ARPP21: variants seen among roughly 807,000 people sequenced by gnomAD.
ARPP21 encodes the protein cAMP regulated phosphoprotein 21, also known as cAMP-regulated phosphoprotein 21.
ARPP21 carries 69 observed loss-of-function variants against 113.2 expected under a neutral mutation model. The observed-to-expected ratio is 0.61, with a 90% confidence interval of 0.50 to 0.74. The LOEUF is 0.74. Ranked by LOEUF, ARPP21 falls within the 30% of genes least tolerant of loss-of-function variation. The probability of loss-of-function intolerance (pLI) is 0.00; values close to 1 mark genes in which losing one functional copy is unlikely to be tolerated. For synonymous variants in ARPP21, 368 were observed against 375.5 expected (o/e 0.98, Z 0.23); for missense variants, 1,070 against 1,037.4 (o/e 1.03, Z -0.43).
chr3:35,722,696 G>A (rs1246548103), intron 14 of ARPP21, among the ~76,000 whole-genome samples: 1 of 152,154 alleles, frequency 6.6e-6, no homozygotes, highest in African/African-American at 2.4e-5. Flanking sequence ...TCTTTGGAAG[G>A]TGAGTGATAA....
rs530587817 is a variant in ARPP21 at position 35,791,529 on chromosome 3, G to T, written c.2138-853G>T. Among the ~76,000 whole-genome samples, 49 of 151,976 alleles carry T rather than the reference G, an allele frequency of 3.2e-4. No homozygotes were observed. The South Asian group carries it at 0.01, about 31-fold the overall frequency. On this transcript the variant is annotated intron_variant, in intron 19 of 20. Transcript: ENST00000684406. ...CAACATTTATAAGAACAATCGACAG[G>T]CTTCCTTTATAAGGATGCATTTTAA...
Position 35,711,547 on chromosome 3 carries a change from C to T in ARPP21, c.897+2477C>T, listed in dbSNP as rs541214035. 7.9e-5 allele frequency among the ~76,000 whole-genome samples: 12 copies of T among 152,278 alleles called. No individual in the cohort carries two copies. The South Asian group carries it at 2.1e-3, about 26-fold the overall frequency. On this transcript the variant is annotated intron_variant, in intron 11 of 20. Transcript: ENST00000684406. ...CCAAAATTTGGCAGCTGAAAACAAA[C>T]ACTTATCATCTCACAATTTCTGTGG...
At chr3:35,779,679 T>A (rs575187720) in intron 19 of ARPP21, among the ~76,000 whole-genome samples, 2 of 152,308 alleles carry the variant, frequency 1.3e-5, no homozygotes, top group Admixed American at 1.3e-4. Context: ...TGTTTGCTTT[T>A]CTTTTAGGTA....
intron 1 of ARPP21, among the ~76,000 whole-genome samples, chr3:35,646,771 T>C (rs1700398008): frequency 6.6e-6 from 1 of 152,128 alleles, no homozygotes; most frequent in South Asian, 2.1e-4. Context: ...CACTCTTCGA[T>C]GACTTTGTTT....
At chr3:35,767,666 A>G (rs1001164543) in intron 19 of ARPP21, among the ~76,000 whole-genome samples, 5 of 152,172 alleles carry the variant, frequency 3.3e-5, no homozygotes, top group African/African-American at 1.2e-4. Context: ...TATTAACAAG[A>G]AGGGACTTAT....
chr3:35,785,500 G>A (rs1173029033), intron 19 of ARPP21, among the ~76,000 whole-genome samples: 2 of 141,692 alleles, frequency 1.4e-5, no homozygotes, highest in Non-Finnish European at 3.0e-5. Flanking sequence ...TCTCATGTTT[G>A]CCCTGATTTA....
intron 19 of ARPP21, among the ~76,000 whole-genome samples, chr3:35,751,191 G>A (rs1372307121): frequency 6.6e-6 from 1 of 152,140 alleles, no homozygotes; most frequent in Non-Finnish European, 1.5e-5. Flanking sequence ...CAAATCATTT[G>A]ATATGGATTC....
At chr3:35,789,011 G>T (rs2096689661) in intron 19 of ARPP21, among the ~76,000 whole-genome samples, 1 of 152,152 alleles carries the variant, frequency 6.6e-6, no homozygotes, top group Non-Finnish European at 1.5e-5. Context: ...AATCGATCTT[G>T]ACTGAAAAAG....
At chr3:35,764,965 G>A (rs555611586) in intron 19 of ARPP21, among the ~76,000 whole-genome samples, 4 of 152,066 alleles carry the variant, frequency 2.6e-5, no homozygotes, top group African/African-American at 4.8e-5. Context: ...ATATTCCATT[G>A]ATTAAATGTG....
At chr3:35,655,487 A>G (rs2149056257) in intron 1 of ARPP21, among the ~76,000 whole-genome samples, 1 of 152,122 alleles carries the variant, frequency 6.6e-6, no homozygotes, top group South Asian at 2.1e-4. Context: ...AGCTGATGAA[A>G]TGGCAAGATA....
intron 13 of ARPP21, among the ~76,000 whole-genome samples, chr3:35,718,506 A>G (rs1430035500): frequency 2.0e-5 from 3 of 152,154 alleles, no homozygotes; most frequent in African/African-American, 7.2e-5. Flanking sequence ...TGTCCCCTAA[A>G]GGCCAGTTAG....
At chr3:35,648,986 G>A (rs191479483) in intron 1 of ARPP21, among the ~76,000 whole-genome samples, 1 of 152,276 alleles carries the variant, frequency 6.6e-6, no homozygotes. Flanking sequence ...TATATTGCTA[G>A]AGTCGACATG....
At chr3:35,682,273 G>T (rs1218218931) in intron 3 of ARPP21, among the ~76,000 whole-genome samples, 1 of 151,742 alleles carries the variant, frequency 6.6e-6, no homozygotes, top group South Asian at 2.1e-4. Context: ...TCAAAGGCAG[G>T]TGTTCCTTTG....
rs1161013474 is a variant in ARPP21 at position 35,707,191 on chromosome 3, C to A, written c.795+109C>A. On this transcript the variant is annotated intron_variant, in intron 10 of 20. Coordinates refer to ENST00000684406, the MANE Select transcript of ARPP21 (RefSeq NM_001385562.1). ...CTGCCTTCCCTCCAATCCTCCCCTG[C>A]CTCTGATACCACTGTCCTATCTCCA... The A allele has an allele frequency of 3.8e-6, 3 of 779,780 alleles. No homozygotes were observed. The East Asian group carries it at 7.8e-5, about 20-fold the overall frequency. The allele number at this position is 779,780 out of a possible 1,614,324, so 48.3% of individuals were successfully genotyped here.
At chr3:35,688,174 C>T (rs1238789169) in intron 6 of ARPP21, among the ~76,000 whole-genome samples, 1 of 151,442 alleles carries the variant, frequency 6.6e-6, no homozygotes, top group Non-Finnish European at 1.5e-5. Flanking sequence ...TATAAATCTG[C>T]CCTAAATTTA....
At chr3:35,762,066 C>T (rs1020038784) in intron 19 of ARPP21, among the ~76,000 whole-genome samples, 3 of 149,578 alleles carry the variant, frequency 2.0e-5, no homozygotes, top group African/African-American at 7.4e-5. Flanking sequence ...AGGTCAAAAA[C>T]TTTATAATAA....
chr3:35,765,373 T>C (rs1280561382), intron 19 of ARPP21, among the ~76,000 whole-genome samples: 1 of 152,088 alleles, frequency 6.6e-6, no homozygotes, highest in East Asian at 1.9e-4. Context: ...GTTAAGAAGC[T>C]CAGCTAAGAA....
chr3:35,776,842 C>T (rs2096384717), intron 19 of ARPP21, among the ~76,000 whole-genome samples: 4 of 152,096 alleles, frequency 2.6e-5, no homozygotes. Flanking sequence ...AAGTGCCTTT[C>T]TAGGTGGTTC....
In ARPP21 at chr3:35,662,730, C is replaced by T. The variant is rs112606459; in HGVS notation, c.-212-17057C>T. On this transcript the variant is annotated intron_variant, in intron 1 of 20. Coordinates refer to ENST00000684406, the MANE Select transcript of ARPP21 (RefSeq NM_001385562.1). Reference sequence around the variant, plus strand: ...AGTGTGCTTGAGGTAGTGCAGCTCTCTGCAGCAGAGACAGTTCAACAAGAG... The same window carrying T: ...AGTGTGCTTGAGGTAGTGCAGCTCTTTGCAGCAGAGACAGTTCAACAAGAG... 2.4e-3 allele frequency among the ~76,000 whole-genome samples: 367 copies of T among 151,164 alleles called. 3 individuals carry two copies. Among genetic ancestry groups the T allele is most frequent in the African/African-American group, 8.3e-3 (343 of 41,182 alleles).
Sources: allele counts gnomAD v4.1 joint callset (sites outside exome capture counted in the v4.1 genomes callset), GRCh38; gene constraint gnomAD v4.1.1; transcripts MANE v1.5; gene names NCBI Gene and HGNC (gene_info 2026-07-23, HGNC 2026-07-21).